Variants in PCSK6 observed in about 807,000 individuals in gnomAD.
The protein encoded by PCSK6 is proprotein convertase subtilisin/kexin type 6.
Under a neutral mutation model 123.3 loss-of-function variants are expected in PCSK6, and 85 were observed. That is an observed-to-expected ratio of 0.69 (90% CI 0.58 to 0.83). The LOEUF (loss-of-function observed/expected upper bound fraction) is 0.83, where lower values mean the gene tolerates loss of function less well. Ranked by LOEUF, PCSK6 falls within the 40% of genes least tolerant of loss-of-function variation. The pLI is 0.00. For missense variants in PCSK6, 1,191 were observed against 1,282.3 expected (o/e 0.93, Z 1.09); for synonymous variants, 508 against 516.0 (o/e 0.98, Z 0.21).
chr15:101,479,143 C>A (rs1318877424), intron 1 of PCSK6, among the ~76,000 whole-genome samples: 1 of 152,180 alleles, frequency 6.6e-6, no homozygotes, highest in East Asian at 1.9e-4. Flanking sequence ...CATGGCCGAG[C>A]CCCTCCGTGG....
At chr15:101,351,933 C>T (rs1054420899) in intron 13 of PCSK6, among the ~76,000 whole-genome samples, 2 of 152,114 alleles carry the variant, frequency 1.3e-5, no homozygotes, top group Admixed American at 6.5e-5. Context: ...GAACACAGCA[C>T]GGCCTCTCAT....
rs146306687 is a variant in PCSK6 at position 101,371,644 on chromosome 15, C to G, written c.1533-1121G>C. On this transcript the variant is annotated intron_variant, in intron 11 of 21. Coordinates refer to ENST00000611716, the MANE Select transcript of PCSK6 (RefSeq NM_002570.5). ...ATCCAGAGGGAAATTAAGGACTGTA[C>G]CCAAGGTGTAGCTAATGCGGGGAGG... Among the ~76,000 whole-genome samples, 230 of 152,326 alleles carry G rather than the reference C, an allele frequency of 1.5e-3. 2 individuals are homozygous for G. The highest frequency in any genetic ancestry group is 5.3e-3 in the African/African-American group (220 of 41,578).
At chr15:101,447,043 G>A (rs1475742851) in intron 1 of PCSK6, among the ~76,000 whole-genome samples, 1 of 152,190 alleles carries the variant, frequency 6.6e-6, no homozygotes, top group Non-Finnish European at 1.5e-5. Flanking sequence ...AGGAACACAG[G>A]CCCATTGAAA....
intron 1 of PCSK6, among the ~76,000 whole-genome samples, chr15:101,461,823 T>G: frequency 6.6e-6 from 1 of 152,320 alleles, no homozygotes; most frequent in East Asian, 1.9e-4. Context: ...TTTCTTAACC[T>G]GTTAAAAAGG....
intron 1 of PCSK6, among the ~76,000 whole-genome samples, chr15:101,465,907 G>A (rs1212937633): frequency 6.6e-6 from 1 of 152,138 alleles, no homozygotes; most frequent in Non-Finnish European, 1.5e-5. Context: ...GCAGAAAGGA[G>A]TGGGGTTGGG....
intron 6 of PCSK6, among the ~76,000 whole-genome samples, chr15:101,407,405 C>G (rs2042811047): frequency 6.6e-6 from 1 of 152,090 alleles, no homozygotes. Flanking sequence ...GCTTGCTGAC[C>G]CTGGGGAGAC....
In PCSK6 at chr15:101,366,248, C is replaced by T. The variant is rs1057496092; in HGVS notation, c.1806G>A (p.Trp602Ter). The T allele has an allele frequency of 2.5e-6, 4 of 1,613,738 alleles. No homozygotes were observed. Among genetic ancestry groups the T allele is most frequent in the Non-Finnish European group, 3.4e-6 (4 of 1,179,768 alleles). The change falls in exon 13 of 22, where the codon TGG becomes TGA. Residue 602 changes from tryptophan (W) to a stop codon, truncating the protein, a stop_gained. Coordinates refer to ENST00000611716, the MANE Select transcript of PCSK6 (RefSeq NM_002570.5). LOFTEE classifies it high-confidence loss of function. Reference sequence around the variant, plus strand: ...ATGGCAGATCTTGGATTTCCAAGGTCCACTGCCCTTCAGCCTTTTCTCCCC... The same window carrying T: ...ATGGCAGATCTTGGATTTCCAAGGTTCACTGCCCTTCAGCCTTTTCTCCCC... ...HCWGEKAEGQ[W>*]TLEIQDLPSQ...
rs3816939 is a variant in PCSK6, at chr15:101,398,629, G to A, written c.824-53C>T. 12,536 of 1,570,334 alleles carry A rather than the reference G, an allele frequency of 8.0e-3. 624 individuals are homozygous for A. In the East Asian group the frequency reaches 0.15, roughly 18 times the overall value. ...GGCGCCCAGGCTCCGGGCACACAGCGACGGGAACCCGGGCCCAGGAGGCTC... is the reference window on the plus strand; with the variant it reads ...GGCGCCCAGGCTCCGGGCACACAGCAACGGGAACCCGGGCCCAGGAGGCTC... On this transcript the variant is annotated intron_variant, in intron 6 of 21. Transcript: ENST00000611716. The surrounding 1 kb of genome is among the most constrained non-coding windows in gnomAD (Gnocchi z 4.6).
At chr15:101,452,734 G>T (rs949816855) in intron 1 of PCSK6, among the ~76,000 whole-genome samples, 2 of 152,190 alleles carry the variant, frequency 1.3e-5, no homozygotes, top group Non-Finnish European at 2.9e-5. Context: ...GAAGACACAG[G>T]ACATGGCAGA....
chr15:101,320,907 G>A (rs945272390), intron 18 of PCSK6, among the ~76,000 whole-genome samples: 7 of 152,220 alleles, frequency 4.6e-5, no homozygotes, highest in Non-Finnish European at 8.8e-5. Context: ...TCTATGTGGC[G>A]GGGCTACCGA....
intron 6 of PCSK6, among the ~76,000 whole-genome samples, chr15:101,402,083 T>C (rs1484828882): frequency 6.6e-6 from 1 of 150,740 alleles, no homozygotes; most frequent in Non-Finnish European, 1.5e-5. Context: ...TATAGATCAA[T>C]GGAACAGAAC....
intron 9 of PCSK6, among the ~76,000 whole-genome samples, chr15:101,388,541 T>C (rs4965841): frequency 0.64 from 97,233 of 152,072 alleles, 31,841 homozygotes; most frequent in Admixed American, 0.73. Flanking sequence ...TGTTAATTTA[T>C]AAATGAAAGT....
chr15:101,386,176 C>T (rs2042057747), intron 9 of PCSK6, among the ~76,000 whole-genome samples: 1 of 152,108 alleles, frequency 6.6e-6, no homozygotes, highest in Non-Finnish European at 1.5e-5. Context: ...GGTGCTGCCT[C>T]AGGGAATGTG....
intron 13 of PCSK6, chr15:101,347,043 C>T: frequency 8.9e-6 from 11 of 1,231,708 alleles, no homozygotes; most frequent in African/African-American, 3.1e-5. Flanking sequence ...TTTTTGACAA[C>T]AGTGTGTATG....
At position 101,332,048 on chromosome 15, in the gene PCSK6, C is replaced by A. The variant is rs776793006; in HGVS notation, c.1859-17G>T. The A allele has an allele frequency of 8.9e-6, 14 of 1,576,912 alleles. No homozygotes were observed. The highest frequency in any genetic ancestry group is 1.2e-5 in the Non-Finnish European group (14 of 1,157,188). On this transcript the variant is annotated splice_polypyrimidine_tract_variant and intron_variant, in intron 13 of 21. Transcript: ENST00000611716. ...TCAACTTCCCTGGAAGGCACCAAAC[C>A]CACAGAGTTACCTGCCTGTGCCAAG...
rs371396639 is a variant in PCSK6, at chr15:101,366,213, C to G, written c.1841G>C (p.Arg614Pro). The change falls in exon 13 of 22, where the codon CGC (arginine) becomes CCC (proline). Residue 614 changes from arginine (R) to proline (P), a missense_variant. Physicochemically the swap from Arg to Pro is moderately radical, Grantham distance 103 (BLOSUM62 -2). Coordinates refer to ENST00000611716, the MANE Select transcript of PCSK6 (RefSeq NM_002570.5). ...LEIQDLPSQV[R>P]NPEKQGKLKE... ...CCACTGACCTTGCTTCTCCGGGTTGCGGACCTGGGATGGCAGATCTTGGAT... is the reference window on the plus strand; with the variant it reads ...CCACTGACCTTGCTTCTCCGGGTTGGGGACCTGGGATGGCAGATCTTGGAT... The G allele has an allele frequency of 1.2e-6, 2 of 1,612,008 alleles. No homozygotes were observed. Among genetic ancestry groups the G allele is most frequent in the Non-Finnish European group, 1.7e-6 (2 of 1,178,980 alleles).
At chr15:101,393,936 CA>C (rs1326842734) in intron 7 of PCSK6, among the ~76,000 whole-genome samples, 1 of 152,104 alleles carries the variant, frequency 6.6e-6, no homozygotes, top group African/African-American at 2.4e-5. Context: ...GCTAAATTTG[CA>C]AAGAGGGATA....
chr15:101,390,849 G>A (rs531208376), intron 8 of PCSK6, among the ~76,000 whole-genome samples: 1 of 152,350 alleles, frequency 6.6e-6, no homozygotes, highest in South Asian at 2.1e-4. Context: ...ATATCAATTT[G>A]TGCTGTTTTA....
chr15:101,377,190 G>C (rs1195174291), intron 11 of PCSK6, among the ~76,000 whole-genome samples: 1 of 57,652 alleles, frequency 1.7e-5, no homozygotes, highest in Non-Finnish European at 7.2e-5. Flanking sequence ...TGAGACGCCA[G>C]CAGCTGTGCT....
Sources: allele counts gnomAD v4.1 joint callset (sites outside exome capture counted in the v4.1 genomes callset), GRCh38; gene constraint gnomAD v4.1.1; non-coding constraint Gnocchi (gnomAD v3.1); transcripts MANE v1.5; gene names NCBI Gene and HGNC (gene_info 2026-07-23, HGNC 2026-07-21).